WAC: variants seen among roughly 807,000 people sequenced by gnomAD.
The protein encoded by WAC is WW domain-containing adapter protein with coiled-coil.
In WAC, 11 loss-of-function variants were observed where a neutral mutation model predicts 79.6. The ratio of observed to expected loss-of-function variants is 0.14; its 90% CI spans 0.09 to 0.23. The LOEUF is 0.23. Ranked by LOEUF, WAC falls within the 10% of genes least tolerant of loss-of-function variation. WAC has a pLI of 1.00. For missense variants in WAC, 728 were observed against 773.5 expected (o/e 0.94, Z 0.70); for synonymous variants, 304 against 276.9 (o/e 1.10, Z -0.97).
chr10:28,605,511 C>G (rs2132783520), intron 7 of WAC, among the ~76,000 whole-genome samples: 1 of 152,204 alleles, frequency 6.6e-6, no homozygotes, highest in African/African-American at 2.4e-5. Flanking sequence ...GTCACTTGCC[C>G]AAGAGTCCCA....
intron 11 of WAC, chr10:28,615,798 A>G (rs930869479): frequency 6.1e-6 from 1 of 164,180 alleles, no homozygotes; most frequent in Non-Finnish European, 1.3e-5. Context: ...AACAAAGGCA[A>G]TATATATTTT....
rs1399711656 is a variant in WAC, at chr10:28,605,579, TGCAAAAGAA to T, written c.920-2605_920-2597del. Among the ~76,000 whole-genome samples, 4 of 152,194 alleles carry T rather than the reference TGCAAAAGAA, an allele frequency of 2.6e-5. No individual in the cohort carries two copies. In the East Asian group the frequency reaches 7.7e-4, roughly 29 times the overall value. On this transcript the variant is annotated intron_variant, in intron 7 of 13. Coordinates refer to ENST00000354911, the MANE Select transcript of WAC (RefSeq NM_016628.5). Reference sequence around the variant, plus strand: ...CTACTCACCTGTAATTCCCCAAAACTGCAAAAGAAGTCTATCCTTGGGGTAAATAAACAG... The same window carrying T: ...CTACTCACCTGTAATTCCCCAAAACTGTCTATCCTTGGGGTAAATAAACAG...
intron 3 of WAC, among the ~76,000 whole-genome samples, chr10:28,552,469 G>A (rs1355422745): frequency 6.6e-6 from 1 of 151,898 alleles, no homozygotes; most frequent in Admixed American, 6.6e-5. Flanking sequence ...GTCAGTGGAG[G>A]AATGCAAGGA....
chr10:28,617,411 C>T lies in WAC; in HGVS notation c.1747-246C>T, dbSNP rs1841520211. Among the ~76,000 whole-genome samples, 3 of 152,194 alleles carry T rather than the reference C, an allele frequency of 2.0e-5. No homozygotes were observed. In the South Asian group the frequency reaches 6.2e-4, roughly 31 times the overall value. On this transcript the variant is annotated intron_variant, in intron 12 of 13. Transcript: ENST00000354911. ...GAGTCCTTTCTTAGTGCTGTATTAG[C>T]TTCAGGTTGGAAATCCTATTTTCTC...
At chr10:28,547,854 C>T (rs371937647) in intron 3 of WAC, among the ~76,000 whole-genome samples, 3 of 150,028 alleles carry the variant, frequency 2.0e-5, no homozygotes, top group East Asian at 1.9e-4. Context: ...GGCCTTTTTT[C>T]GTTACTTCTA....
chr10:28,543,298 C>T (rs543096211), intron 3 of WAC, among the ~76,000 whole-genome samples: 2 of 150,874 alleles, frequency 1.3e-5, no homozygotes, highest in East Asian at 1.9e-4. Context: ...TGCTTAAAAA[C>T]TAAAAATGAT....
intron 3 of WAC, among the ~76,000 whole-genome samples, chr10:28,560,782 C>T (rs781744986): frequency 2.0e-5 from 3 of 152,202 alleles, no homozygotes; most frequent in African/African-American, 4.8e-5. Context: ...AGTGTAAAAG[C>T]AGCCACAGGC....
chr10:28,572,109 C>T (rs1270381267), intron 3 of WAC, among the ~76,000 whole-genome samples: 2 of 151,898 alleles, frequency 1.3e-5, no homozygotes, highest in Non-Finnish European at 1.5e-5. Flanking sequence ...GAGGCCGAGG[C>T]GGGTGGATCA....
intron 3 of WAC, among the ~76,000 whole-genome samples, chr10:28,554,683 G>T (rs1429942466): frequency 6.6e-6 from 1 of 152,086 alleles, no homozygotes. Flanking sequence ...ACACTTGCTT[G>T]TTCTTTTTGT....
At chr10:28,542,086 C>G (rs970318911) in intron 3 of WAC, among the ~76,000 whole-genome samples, 1 of 152,198 alleles carries the variant, frequency 6.6e-6, no homozygotes, top group Admixed American at 6.5e-5. Flanking sequence ...GCTACTCTCT[C>G]CATACTGGCC....
chr10:28,590,597 G>A, intron 5 of WAC, 123 bp from the exon 6 acceptor site: 3 of 756,166 alleles, frequency 4.0e-6, no homozygotes, highest in Non-Finnish European at 6.3e-6. Context: ...GTTAAATTAT[G>A]ACCATGTTCA....
chr10:28,603,150 CA>C (rs907444021), intron 7 of WAC, among the ~76,000 whole-genome samples: 1 of 152,100 alleles, frequency 6.6e-6, no homozygotes, highest in African/African-American at 2.4e-5. Context: ...TAGGAGTATC[CA>C]ATCTTTTGGC....
chr10:28,547,185 T>C (rs138293104), intron 3 of WAC, among the ~76,000 whole-genome samples: 234 of 152,350 alleles, frequency 1.5e-3, no homozygotes, highest in African/African-American at 5.2e-3. Flanking sequence ...GTTCATTTCA[T>C]TTCTCATTTT....
intron 5 of WAC, among the ~76,000 whole-genome samples, chr10:28,590,281 T>C (rs1320746101): frequency 1.5e-5 from 2 of 133,312 alleles, no homozygotes; most frequent in African/African-American, 5.8e-5. Context: ...CACTACACTC[T>C]AGCCTGAGCA....
At chr10:28,613,004 T>C (rs1189694890) in intron 10 of WAC, among the ~76,000 whole-genome samples, 1 of 152,160 alleles carries the variant, frequency 6.6e-6, no homozygotes, top group Non-Finnish European at 1.5e-5. Context: ...TTAAGAAGGC[T>C]GGGCGCGGTG....
intron 3 of WAC, among the ~76,000 whole-genome samples, chr10:28,559,136 A>ATTGTGTGTGTGTGTGTGTGTG: frequency 6.8e-6 from 1 of 146,660 alleles, no homozygotes; most frequent in East Asian, 2.0e-4. Flanking sequence ...GAGAAACCTG[A>ATTGTGTGTGTGTGTGTGTGTG]TGTGTGTGTG....
intron 3 of WAC, among the ~76,000 whole-genome samples, chr10:28,560,191 A>G (rs1027087548): frequency 3.3e-5 from 5 of 152,104 alleles, no homozygotes; most frequent in Non-Finnish European, 5.9e-5. Flanking sequence ...AAAATAAAAT[A>G]AAAAATTTAA....
At chr10:28,601,625 AACAG>A (rs1186199702) in intron 7 of WAC, among the ~76,000 whole-genome samples, 2 of 152,204 alleles carry the variant, frequency 1.3e-5, no homozygotes, top group African/African-American at 2.4e-5. Context: ...AGTAATTCAC[AACAG>A]ACAAACATTA....
At chr10:28,553,786 A>G (rs900948774) in intron 3 of WAC, among the ~76,000 whole-genome samples, 3 of 152,202 alleles carry the variant, frequency 2.0e-5, no homozygotes, top group Non-Finnish European at 2.9e-5. Context: ...TCTTTACTGA[A>G]CATGTACAGA....
Sources: gnomAD v4.1 joint callset for allele counts (sites outside exome capture counted in the v4.1 genomes callset) on GRCh38, gnomAD v4.1.1 for gene constraint, MANE v1.5 for transcripts, NCBI Gene and HGNC (gene_info 2026-07-23, HGNC 2026-07-21) for gene names.